SLC14A2: variants seen among roughly 807,000 people sequenced by gnomAD.
SLC14A2 encodes the protein solute carrier family 14 member 2.
In SLC14A2, 91 loss-of-function variants were observed where a neutral mutation model predicts 104.6. The ratio of observed to expected loss-of-function variants is 0.87; its 90% CI spans 0.73 to 1.04. SLC14A2 has a LOEUF of 1.04. Among genes scored for constraint, SLC14A2 ranks in the 50% least tolerant of loss-of-function variants. The probability of loss-of-function intolerance (pLI) is 0.00; values close to 1 mark genes in which losing one functional copy is unlikely to be tolerated. For missense variants in SLC14A2, 1,189 were observed against 1,156.0 expected, an observed-to-expected ratio of 1.03 and a Z score of -0.41; for synonymous variants, 476 against 466.4, an observed-to-expected ratio of 1.02 and a Z score of -0.27.
chr18:45,562,742 G>T (rs2044217131), intron 2 of SLC14A2, among the ~76,000 whole-genome samples: 1 of 152,100 alleles, frequency 6.6e-6, no homozygotes, highest in Non-Finnish European at 1.5e-5. Flanking sequence ...AACAATTAGG[G>T]ATGCTGAGCT....
At chr18:45,478,459 T>C (rs1054741178) in intron 1 of SLC14A2, among the ~76,000 whole-genome samples, 1 of 152,210 alleles carries the variant, frequency 6.6e-6, no homozygotes, top group Non-Finnish European at 1.5e-5. Flanking sequence ...TCTATGATAG[T>C]TTGCTTGGCA....
Position 45,355,995 on chromosome 18 carries a change from T to A in SLC14A2, c.-124-127238T>A, listed in dbSNP as rs141221237. ...GACTGAAACATAACTGGGGCAGGGG[T>A]TGGGGAACAGTCCAGGACTGCTGAG... On this transcript the variant is annotated intron_variant, in intron 1 of 20. Transcript: ENST00000586448. Among the ~76,000 whole-genome samples the A allele has an allele frequency of 1.8e-3, 280 of 151,654 alleles. 1 individual carries two copies. Among genetic ancestry groups the A allele is most frequent in the Middle Eastern group, 0.01 (3 of 294 alleles).
chr18:45,198,661 C>A, the SLC14A2 span, among the ~76,000 whole-genome samples: 1 of 152,010 alleles, frequency 6.6e-6, no homozygotes, highest in East Asian at 1.9e-4. Flanking sequence ...TCTTACACAG[C>A]TTTGTAAGTT....
chr18:45,494,905 C>T (rs2043065073), intron 2 of SLC14A2, among the ~76,000 whole-genome samples: 1 of 91,728 alleles, frequency 1.1e-5, no homozygotes, highest in African/African-American at 4.5e-5. Flanking sequence ...GGTCATCACA[C>T]ACACACACAT....
At chr18:45,357,055 C>G (rs942212845) in intron 1 of SLC14A2, among the ~76,000 whole-genome samples, 1 of 152,092 alleles carries the variant, frequency 6.6e-6, no homozygotes, top group Non-Finnish European at 1.5e-5. Context: ...TATATACATT[C>G]TAGAAGCATA....
chr18:45,397,413 A>G (rs1455461147), intron 1 of SLC14A2, among the ~76,000 whole-genome samples: 1 of 152,166 alleles, frequency 6.6e-6, no homozygotes, highest in Non-Finnish European at 1.5e-5. Flanking sequence ...TCTAATGCTC[A>G]GTGATGTTGA....
chr18:45,628,689 T>G (rs915454715), intron 4 of SLC14A2, among the ~76,000 whole-genome samples: 1 of 152,176 alleles, frequency 6.6e-6, no homozygotes, highest in Non-Finnish European at 1.5e-5. Context: ...TTTTTAAAGT[T>G]AATAGCGTAA....
intron 2 of SLC14A2, among the ~76,000 whole-genome samples, chr18:45,561,347 C>G (rs1303211124): frequency 6.6e-6 from 1 of 152,154 alleles, no homozygotes; most frequent in African/African-American, 2.4e-5. Context: ...TATAGTCCCA[C>G]TTAGTCTGGG....
At chr18:45,477,620 T>C (rs2087408005) in intron 1 of SLC14A2, among the ~76,000 whole-genome samples, 1 of 152,122 alleles carries the variant, frequency 6.6e-6, no homozygotes, top group Non-Finnish European at 1.5e-5. Context: ...CCCACGGAGA[T>C]GGGAGTTTTA....
At chr18:45,483,581 A>C (rs2087538403) in intron 2 of SLC14A2, 1 of 152,190 alleles carries the variant, frequency 6.6e-6, no homozygotes, top group Admixed American at 6.5e-5. Context: ...GGTTCTATTT[A>C]TATGTCAAAA....
At chr18:45,242,769 C>T (rs2084330705) in intron 1 of SLC14A2, among the ~76,000 whole-genome samples, 1 of 152,120 alleles carries the variant, frequency 6.6e-6, no homozygotes, top group African/African-American at 2.4e-5. Flanking sequence ...GGAGTAGAAA[C>T]CCTATTTTCA....
intron 1 of SLC14A2, among the ~76,000 whole-genome samples, chr18:45,334,317 A>C (rs1375379966): frequency 6.6e-6 from 1 of 152,172 alleles, no homozygotes. Flanking sequence ...TTAGACCCCA[A>C]CCAGTAGCAT....
chr18:45,475,381 C>A (rs1376624508), intron 1 of SLC14A2, among the ~76,000 whole-genome samples: 2 of 151,032 alleles, frequency 1.3e-5, no homozygotes, highest in African/African-American at 2.4e-5. Flanking sequence ...TAGATGTCTG[C>A]TTGGTCCAGA....
intron 1 of SLC14A2, among the ~76,000 whole-genome samples, chr18:45,392,816 G>T (rs901718299): frequency 1.3e-5 from 2 of 152,138 alleles, no homozygotes; most frequent in Admixed American, 1.3e-4. Context: ...TTAACAAAGT[G>T]GTAAGTTCTT....
chr18:45,419,983 G>T (rs564224222), intron 1 of SLC14A2, among the ~76,000 whole-genome samples: 4 of 152,154 alleles, frequency 2.6e-5, no homozygotes, highest in African/African-American at 9.7e-5. Flanking sequence ...AAATATAATG[G>T]CTTAAAACAA....
rs567491444 is a variant in SLC14A2, at chr18:45,462,215, A to C, written c.-124-21018A>C. On this transcript the variant is annotated intron_variant, in intron 1 of 20. Coordinates refer to the SLC14A2 transcript ENST00000586448. ...TTTTCATACTACTCTATAAATCTAG[A>C]TTCTGTTGAACTACAGGGAATTTCC... Among the ~76,000 whole-genome samples the C allele has an allele frequency of 2.2e-4, 34 of 152,328 alleles. 2 individuals carry two copies. The South Asian group carries it at 2.7e-3, about 12-fold the overall frequency.
At chr18:45,388,351 C>T (rs1254108164) in intron 1 of SLC14A2, among the ~76,000 whole-genome samples, 2 of 151,978 alleles carry the variant, frequency 1.3e-5, no homozygotes, top group African/African-American at 2.4e-5. Flanking sequence ...CATGAGCCAC[C>T]GCGCCCGGCT....
At chr18:45,349,738 A>T (rs531474374) in intron 1 of SLC14A2, among the ~76,000 whole-genome samples, 1 of 152,362 alleles carries the variant, frequency 6.6e-6, no homozygotes, top group Admixed American at 6.5e-5. Flanking sequence ...AGGTGTTGTC[A>T]TCTCCAGATT....
chr18:45,551,157 G>A (rs1286624665), intron 2 of SLC14A2, among the ~76,000 whole-genome samples: 2 of 152,084 alleles, frequency 1.3e-5, no homozygotes, highest in Non-Finnish European at 2.9e-5. Context: ...TCTGCTACAG[G>A]CAGGAAAGAC....
Sources: allele counts gnomAD v4.1 joint callset (sites outside exome capture counted in the v4.1 genomes callset), GRCh38; gene constraint gnomAD v4.1.1; transcripts MANE v1.5; gene names NCBI Gene and HGNC (gene_info 2026-07-23, HGNC 2026-07-21).